Variants in COX7A2L observed in about 807,000 individuals in gnomAD.
The protein encoded by COX7A2L is cytochrome c oxidase subunit 7A2-like, mitochondrial.
In COX7A2L, 18 loss-of-function variants were observed where a neutral mutation model predicts 14.2. The ratio of observed to expected loss-of-function variants is 1.27; its 90% CI spans 0.88 to 1.88. The LOEUF (loss-of-function observed/expected upper bound fraction) is 1.88, where lower values mean the gene tolerates loss of function less well. Ranked by LOEUF, COX7A2L falls within the 40% of genes most tolerant of loss-of-function variation. The pLI, the probability that COX7A2L is intolerant of heterozygous loss-of-function variation, is 0.00. For missense variants in COX7A2L, 179 were observed against 138.8 expected, an observed-to-expected ratio of 1.29 and a Z score of -1.46; for synonymous variants, 65 against 57.4, an observed-to-expected ratio of 1.13 and a Z score of -0.60.
chr2:42,346,364 G>A (rs990485445), downstream of COX7A2L, among the ~76,000 whole-genome samples: 1 of 152,186 alleles, frequency 6.6e-6, no homozygotes, highest in East Asian at 1.9e-4. Flanking sequence ...ATCTCCCTTT[G>A]TGTATCAGCT....
chr2:42,335,563 T>G (rs1670252559), intron 2 of COX7A2L, among the ~76,000 whole-genome samples: 1 of 152,208 alleles, frequency 6.6e-6, no homozygotes, highest in African/African-American at 2.4e-5. Context: ...TAACACTTCA[T>G]GTGTTTAACA....
In COX7A2L at chr2:42,353,128, A is replaced by T. The variant is rs1670699227; in HGVS notation, c.204+84T>A. On this transcript the variant is annotated intron_variant, in intron 2 of 2. Coordinates refer to ENST00000234301, the MANE Select transcript of COX7A2L (RefSeq NM_004718.4). ...GAAAAAGAAGGAGGGTGGGTAGTAAACTAGATTAAGATTTAGTTTCATAAG... is the reference window on the plus strand; with the variant it reads ...GAAAAAGAAGGAGGGTGGGTAGTAATCTAGATTAAGATTTAGTTTCATAAG... 8 of 1,519,196 alleles carry T rather than the reference A, an allele frequency of 5.3e-6. No individual in the cohort carries two copies. In the South Asian group the frequency reaches 9.7e-5, roughly 18 times the overall value. The allele number at this position is 1,519,196 out of a possible 1,614,324, so 94.1% of individuals were successfully genotyped here. A position where few individuals can be genotyped will look rare whatever the true frequency, so the allele number is the denominator to read the frequency against.
At chr2:42,343,477 G>A (rs1172808909) in intron 2 of COX7A2L, among the ~76,000 whole-genome samples, 1 of 152,202 alleles carries the variant, frequency 6.6e-6, no homozygotes, top group Non-Finnish European at 1.5e-5. Flanking sequence ...GAGTCCCTGA[G>A]GAGCCAAAGA....
At chr2:42,351,481 G>T in intron 2 of COX7A2L, 122 bp from the exon 3 acceptor site, 1 of 1,122,648 alleles carries the variant, frequency 8.9e-7, no homozygotes, top group Admixed American at 2.7e-5. Flanking sequence ...AGTGGGAAAA[G>T]CACTAATCCA....
At chr2:42,341,344 A>G (rs1351862476) in intron 2 of COX7A2L, among the ~76,000 whole-genome samples, 1 of 152,186 alleles carries the variant, frequency 6.6e-6, no homozygotes, top group Non-Finnish European at 1.5e-5. Flanking sequence ...CGCAGGGGGC[A>G]GCACACTTCC....
At position 42,336,613 on chromosome 2, in the gene COX7A2L, G is replaced by A. The variant is rs1279004448; in HGVS notation, c.193-2744C>T. On this transcript the variant is annotated intron_variant, in intron 2 of 2. Transcript: ENST00000468711. ...GGAGCCTGCCACTGTCAACAGTGAT[G>A]CCCGTTTGGCTGGCACTGGGTTGGA... is the stretch of plus-strand genomic sequence containing the variant. Among the ~76,000 whole-genome samples the A allele has an allele frequency of 3.9e-5, 6 of 152,314 alleles. No homozygotes were observed. The South Asian group carries it at 1.0e-3, about 26-fold the overall frequency.
rs1188336232 is a variant in COX7A2L at position 42,339,270 on chromosome 2, C to T, written c.193-5401G>A. On this transcript the variant is annotated intron_variant, in intron 2 of 2. Coordinates refer to the COX7A2L transcript ENST00000468711. This position sits in a 1 kb window ranked among gnomAD's most constrained non-coding sequence, Gnocchi z 5.4. The stretch of plus-strand genomic sequence containing the variant: ...AGGAAACCACAGACGCGGCCGTTGG[C>T]ACCACCAGGAGCTGAGGGGTTTCTC... Among the ~76,000 whole-genome samples the T allele has an allele frequency of 6.6e-5, 10 of 152,330 alleles. No homozygotes were observed. In the East Asian group the frequency reaches 1.9e-3, roughly 29 times the overall value.
Position 42,350,352 on chromosome 2 carries a change from T to C in COX7A2L, c.*867A>G, listed in dbSNP as rs529619233. On this transcript the variant is annotated 3_prime_UTR_variant, in exon 3 of 3. Transcript: ENST00000234301. ...CCATGTGGTAATCATCAATATGCCA[T>C]TAAGACTCCTATTACTAGACTTTTA... 1 of 152,312 alleles carries C rather than the reference T, an allele frequency of 6.6e-6. No individual in the cohort carries two copies. Among genetic ancestry groups the C allele is most frequent in the African/African-American group, 2.4e-5 (1 of 41,562 alleles). The allele number at this position is 152,312 out of a possible 1,614,324, so 9.4% of individuals were successfully genotyped here. A position where few individuals can be genotyped will look rare whatever the true frequency, so the allele number is the denominator to read the frequency against.
At chr2:42,353,630 G>A (rs896665668) in intron 1 of COX7A2L, among the ~76,000 whole-genome samples, 3 of 152,174 alleles carry the variant, frequency 2.0e-5, no homozygotes, top group Non-Finnish European at 4.4e-5. Flanking sequence ...TAGCTTTCAT[G>A]AGGGATCTGT....
chr2:42,355,760 C>G (rs1670797764), intron 1 of COX7A2L, among the ~76,000 whole-genome samples: 1 of 116,602 alleles, frequency 8.6e-6, no homozygotes, highest in Non-Finnish European at 1.6e-5. Flanking sequence ...GAATCTCGCT[C>G]TGTTGCCCTG....
chr2:42,341,398 T>G (rs1281211681), intron 2 of COX7A2L, among the ~76,000 whole-genome samples: 1 of 152,182 alleles, frequency 6.6e-6, no homozygotes, highest in East Asian at 1.9e-4. Flanking sequence ...CATGCCTCAC[T>G]TGGTACCCCA....
At chr2:42,356,415 C>T (rs560012956) in intron 1 of COX7A2L, among the ~76,000 whole-genome samples, 1 of 152,328 alleles carries the variant, frequency 6.6e-6, no homozygotes, top group African/African-American at 2.4e-5. Context: ...TTTGGCACAT[C>T]TTGTTCACTG....
At chr2:42,345,332 G>A (rs374022722), downstream of COX7A2L, among the ~76,000 whole-genome samples, 4 of 152,144 alleles carry the variant, frequency 2.6e-5, no homozygotes, top group African/African-American at 7.2e-5. Context: ...GCAGTGAGCC[G>A]AGAATGTACC....
chr2:42,363,541 G>A (rs1671102675), upstream of COX7A2L, among the ~76,000 whole-genome samples: 1 of 152,182 alleles, frequency 6.6e-6, no homozygotes, highest in African/African-American at 2.4e-5. Context: ...CATAAATTAA[G>A]AATCCTGAAA....
chr2:42,360,983 A>C, intron 1 of COX7A2L, 107 bp downstream of exon 1: 1 of 1,196,252 alleles, frequency 8.4e-7, no homozygotes, highest in Non-Finnish European at 1.2e-6. Flanking sequence ...ACAGAGACGA[A>C]CTCGACCGCG....
rs1335988920 is a variant in COX7A2L, at chr2:42,344,074, C to G, written c.192+9138G>C. On this transcript the variant is annotated intron_variant, in intron 2 of 2. Coordinates refer to the COX7A2L transcript ENST00000468711. ...GTAGCCATTTTCAACCTTTCTTACC[C>G]TTGTGTACCCTAAAAAAAAATTTAC... Among the ~76,000 whole-genome samples the G allele has an allele frequency of 2.0e-5, 3 of 152,160 alleles. 1 individual carries two copies. In the South Asian group the frequency reaches 6.2e-4, roughly 31 times the overall value.
At chr2:42,340,240 A>G (rs1164883172) in intron 2 of COX7A2L, among the ~76,000 whole-genome samples, 1 of 151,106 alleles carries the variant, frequency 6.6e-6, no homozygotes, top group East Asian at 2.0e-4. Context: ...CCCAGAGACA[A>G]CCTCCCCTCT....
chr2:42,361,575 G>A (rs1423079668), upstream of COX7A2L: 3 of 162,226 alleles, frequency 1.8e-5, no homozygotes, highest in African/African-American at 7.2e-5. Context: ...GGCGGGGCCT[G>A]GGGGGGAGAG....
chr2:42,367,867 C>G (rs1321271462), intron 1 of COX7A2L, among the ~76,000 whole-genome samples: 1 of 152,246 alleles, frequency 6.6e-6, no homozygotes, highest in Non-Finnish European at 1.5e-5. Context: ...TCTCTTCCAC[C>G]CCCAAACTGC....
Sources: allele counts gnomAD v4.1 joint callset (sites outside exome capture counted in the v4.1 genomes callset), GRCh38; gene constraint gnomAD v4.1.1; non-coding constraint Gnocchi (gnomAD v3.1); transcripts MANE v1.5; gene names NCBI Gene and HGNC (gene_info 2026-07-23, HGNC 2026-07-21).